MPHOSPH6: variants seen among roughly 807,000 people sequenced by gnomAD.
MPHOSPH6 encodes the protein M-phase phosphoprotein 6.
In MPHOSPH6, 25 loss-of-function variants were observed where a neutral mutation model predicts 21.8. The ratio of observed to expected loss-of-function variants is 1.15; its 90% confidence interval spans 0.83 to 1.60. MPHOSPH6 has a LOEUF of 1.60. Ranked by LOEUF, MPHOSPH6 falls within the 40% of genes most tolerant of loss-of-function variation. The probability of loss-of-function intolerance (pLI) is 0.00; values close to 1 mark genes in which losing one functional copy is unlikely to be tolerated. For synonymous variants in MPHOSPH6, 84 were observed against 56.5 expected (o/e 1.49, Z -2.18); for missense variants, 269 against 181.8 (o/e 1.48, Z -2.76).
chr16:82,162,367 GTCATCCAT>G (rs1214040386), intron 2 of MPHOSPH6: 1 of 152,228 alleles, frequency 6.6e-6, no homozygotes, highest in African/African-American at 2.4e-5. Flanking sequence ...CCAAGGACAT[GTCATCCAT>G]TCACCCCTCC....
intron 2 of MPHOSPH6, among the ~76,000 whole-genome samples, chr16:82,154,733 T>C (rs1412550836): frequency 6.6e-6 from 1 of 152,096 alleles, no homozygotes; most frequent in African/African-American, 2.4e-5. Flanking sequence ...ATCTATCAAA[T>C]AAATGGAATT....
At position 82,148,798 on chromosome 16, in the gene MPHOSPH6, T is replaced by C. The variant is rs1271187570; in HGVS notation, c.416A>G (p.Glu139Gly). 6.2e-7 allele frequency: 1 copy of C among 1,614,140 alleles called. No individual in the cohort carries two copies. The highest frequency in any genetic ancestry group is 2.2e-5 in the East Asian group (1 of 44,878). ...TGTTATGTCTCCATTTTCATCTTCT[T>C]CATAATTGGCATGGTCTCTCTTTCT... is the stretch of plus-strand genomic sequence containing the variant. ...FARKRDHANY[E>G]EDENGDITPI... is the part of the protein sequence containing the mutation. Residue 139 changes from glutamate (E) to glycine (G), a missense_variant, in exon 5 of 5, where the codon GAA (glutamate) becomes GGA (glycine). Coordinates refer to ENST00000258169, the MANE Select transcript of MPHOSPH6 (RefSeq NM_005792.2).
At chr16:82,166,940 C>T (rs1442745486) in intron 1 of MPHOSPH6, among the ~76,000 whole-genome samples, 2 of 152,180 alleles carry the variant, frequency 1.3e-5, no homozygotes, top group East Asian at 1.9e-4. Flanking sequence ...GATTCTCCTA[C>T]TCTAGAGCAT....
At chr16:82,159,410 A>C (rs1906534683) in intron 2 of MPHOSPH6, among the ~76,000 whole-genome samples, 2 of 152,102 alleles carry the variant, frequency 1.3e-5, no homozygotes, top group African/African-American at 2.4e-5. Context: ...GTTCTAAATA[A>C]ATTTTTTTTT....
chr16:82,157,714 T>C (rs1345318134), intron 2 of MPHOSPH6, among the ~76,000 whole-genome samples: 1 of 152,160 alleles, frequency 6.6e-6, no homozygotes, highest in East Asian at 1.9e-4. Context: ...GTGGTCTGGA[T>C]AGGCCTCTTG....
intron 1 of MPHOSPH6, among the ~76,000 whole-genome samples, chr16:82,167,016 T>C (rs988863744): frequency 6.6e-5 from 10 of 152,236 alleles, no homozygotes. Context: ...GTCCTCAGGC[T>C]AGATGTCTGT....
intron 2 of MPHOSPH6, among the ~76,000 whole-genome samples, chr16:82,159,190 A>G (rs1906528207): frequency 6.6e-6 from 1 of 152,254 alleles, no homozygotes; most frequent in Non-Finnish European, 1.5e-5. Flanking sequence ...GCAGGCGTTC[A>G]GAGTCTAGCT....
rs1906905060 is a variant in MPHOSPH6 at position 82,169,629 on chromosome 16, T to C, written c.51+496A>G. On this transcript the variant is annotated intron_variant, in intron 1 of 4. Coordinates refer to ENST00000258169, the MANE Select transcript of MPHOSPH6 (RefSeq NM_005792.2). ...TTGATTCTGTTTCTCTGAAGAACTC[T>C]ACTAAAAGAAGTATTATCAAAATTA... Among the ~76,000 whole-genome samples the C allele has an allele frequency of 3.9e-5, 6 of 152,228 alleles. No individual in the cohort carries two copies. The South Asian group carries it at 1.0e-3, about 26-fold the overall frequency.
At chr16:82,169,880 C>G (rs1906913860) in intron 1 of MPHOSPH6, among the ~76,000 whole-genome samples, 1 of 152,226 alleles carries the variant, frequency 6.6e-6, no homozygotes, top group Non-Finnish European at 1.5e-5. Context: ...AAGCTGTACC[C>G]TGACTGCTTC....
intron 2 of MPHOSPH6, among the ~76,000 whole-genome samples, chr16:82,159,722 T>C (rs1047541367): frequency 1.3e-5 from 2 of 152,210 alleles, no homozygotes; most frequent in Admixed American, 6.5e-5. Flanking sequence ...TTCTAAATAA[T>C]TTTTATAAAT....
At chr16:82,166,967 A>C (rs550594720) in intron 1 of MPHOSPH6, among the ~76,000 whole-genome samples, 1 of 152,180 alleles carries the variant, frequency 6.6e-6, no homozygotes, top group East Asian at 1.9e-4. Flanking sequence ...ACACATTCCA[A>C]AACTAGTGAG....
At chr16:82,151,681 C>G (rs553798988) in intron 2 of MPHOSPH6, among the ~76,000 whole-genome samples, 167 bp from the exon 3 acceptor site, 1 of 152,342 alleles carries the variant, frequency 6.6e-6, no homozygotes, top group East Asian at 1.9e-4. Flanking sequence ...TTAATTTGGT[C>G]AGCAAAGGCA....
intron 2 of MPHOSPH6, among the ~76,000 whole-genome samples, chr16:82,161,480 C>T (rs1906606299): frequency 2.6e-5 from 4 of 152,240 alleles, no homozygotes; most frequent in Non-Finnish European, 5.9e-5. Context: ...TACTTGCACA[C>T]TCTTTCTGGA....
rs1906146123 is a variant in MPHOSPH6, at chr16:82,148,261, A to T, written c.*470T>A. 6.6e-6 allele frequency: 1 copy of T among 152,510 alleles called. No homozygotes were observed. 9.4% of individuals were successfully genotyped at this position (152,510 alleles called of 1,614,324 possible). A position where few individuals can be genotyped will look rare whatever the true frequency, so the allele number is the denominator to read the frequency against. ...CATAAACTGACAATGACCTGGGAGC[A>T]TGTAAATACTTAAGGCTGGAGAGGC... is the stretch of plus-strand genomic sequence containing the variant. On this transcript the variant is annotated 3_prime_UTR_variant, in exon 5 of 5. Transcript: ENST00000258169.
rs771433941 is a variant in MPHOSPH6, at chr16:82,149,379, T to C, written c.280A>G (p.Lys94Glu). 6.2e-7 allele frequency: 1 copy of C among 1,612,726 alleles called. No homozygotes were observed. Among genetic ancestry groups the C allele is most frequent in the Non-Finnish European group, 8.5e-7 (1 of 1,180,010 alleles). ...TCTTCAACTTCTTCTGCTTTGTGCTTAGCATTCATCTGAAGCATCAATTTC... is the reference window on the plus strand; with the variant it reads ...TCTTCAACTTCTTCTGCTTTGTGCTCAGCATTCATCTGAAGCATCAATTTC... ...VEKLMLQMNAKHKAEEVEDET... is the reference protein window; with the variant it reads ...VEKLMLQMNAEHKAEEVEDET... Residue 94 changes from lysine (K) to glutamate (E), a missense_variant, in exon 4 of 5, where the codon AAG becomes GAG. Transcript: ENST00000258169.
Position 82,170,152 on chromosome 16 carries a change from C to G in MPHOSPH6, c.24G>C (p.Arg8Ser). 1.9e-6 allele frequency: 3 copies of G among 1,596,606 alleles called. No homozygotes were observed. Among genetic ancestry groups the G allele is most frequent in the Non-Finnish European group, 2.6e-6 (3 of 1,171,614 alleles). MAAERKT[R>S]LSKNLLRMKF... ...TCATGCGCAGTAGATTCTTGGACAA[C>G]CTTGTCTTTCGCTCGGCCGCCATGG... The change falls in exon 1 of 5, where the codon AGG (arginine) becomes AGC (serine). Residue 8 changes from arginine (R) to serine (S), a missense_variant. Physicochemically the swap from Arg to Ser is moderately radical, Grantham distance 110. Transcript: ENST00000258169.
At chr16:82,165,877 T>C (rs1567616354) in intron 1 of MPHOSPH6, among the ~76,000 whole-genome samples, 1 of 143,436 alleles carries the variant, frequency 7.0e-6, no homozygotes. Context: ...TGTTAAATCA[T>C]GTGTTAAGTA....
At chr16:82,150,198 C>G (rs750115960) in intron 3 of MPHOSPH6, among the ~76,000 whole-genome samples, 5 of 151,984 alleles carry the variant, frequency 3.3e-5, no homozygotes, top group Non-Finnish European at 7.4e-5. Flanking sequence ...AACACCCGTC[C>G]CTGCCCCCCA....
chr16:82,169,425 C>CGAGA (rs1420575520), intron 1 of MPHOSPH6, among the ~76,000 whole-genome samples: 1 of 152,216 alleles, frequency 6.6e-6, no homozygotes, highest in Non-Finnish European at 1.5e-5. Flanking sequence ...ACCCTCTTCT[C>CGAGA]CCTGGAAGAA....
Sources: gnomAD v4.1 joint callset for allele counts (sites outside exome capture counted in the v4.1 genomes callset) on GRCh38, gnomAD v4.1.1 for gene constraint, MANE v1.5 for transcripts, NCBI Gene and HGNC (gene_info 2026-07-23, HGNC 2026-07-21) for gene names.